PIK3CG: variants seen among roughly 807,000 people sequenced by gnomAD.
The protein encoded by PIK3CG is phosphatidylinositol-4,5-bisphosphate 3-kinase catalytic subunit gamma.
In PIK3CG, 55 loss-of-function variants were observed where a neutral mutation model predicts 102.3. The ratio of observed to expected loss-of-function variants is 0.54; its 90% CI spans 0.43 to 0.67. The LOEUF is 0.67. PIK3CG is among the 30% of genes least tolerant of loss of function. The pLI is 0.00. For synonymous variants in PIK3CG, 552 were observed against 540.0 expected, an observed-to-expected ratio of 1.02 and a Z score of -0.31; for missense variants, 1,258 against 1,391.8, an observed-to-expected ratio of 0.90 and a Z score of 1.53.
At position 106,868,283 on chromosome 7, in the gene PIK3CG, C is replaced by G. The variant is rs2116435920; in HGVS notation, c.722C>G (p.Pro241Arg). The G allele has an allele frequency of 6.2e-7, 1 of 1,614,108 alleles. No individual in the cohort carries two copies. Among genetic ancestry groups the G allele is most frequent in the Non-Finnish European group, 8.5e-7 (1 of 1,180,040 alleles). The stretch of plus-strand genomic sequence containing the variant: ...ATTAAGGTCTCACCCGACGACACCC[C>G]CGGCGCCATCCTGCAGAGCTTCTTC... ...QTIKVSPDDT[P>R]GAILQSFFTK... The change falls in exon 2 of 11, where the codon CCC becomes CGC. Residue 241 changes from proline (P) to arginine (R), a missense_variant. Coordinates refer to ENST00000496166, the MANE Select transcript of PIK3CG (RefSeq NM_001282426.2). This position sits in a 1 kb window ranked among gnomAD's most constrained non-coding sequence, Gnocchi z 6.2.
chr7:106,874,591 G>C lies in PIK3CG; in HGVS notation c.2288-109G>C. The C allele has an allele frequency of 2.5e-6, 2 of 793,546 alleles. No individual in the cohort carries two copies. The highest frequency in any genetic ancestry group is 1.7e-5 in the South Asian group (1 of 57,780). 49.2% of individuals were successfully genotyped at this position (793,546 alleles called of 1,614,324 possible). A position where few individuals can be genotyped will look rare whatever the true frequency, so the allele number is the denominator to read the frequency against. On this transcript the variant is annotated intron_variant, in intron 4 of 10. Transcript: ENST00000496166. This position sits in a 1 kb window ranked among gnomAD's most constrained non-coding sequence, Gnocchi z 4.3. Reference sequence around the variant, plus strand: ...CCCACATTTCTCCTGCTCTACACCAGAACAAATATATAGAATGCTATGAAT... The same window carrying C: ...CCCACATTTCTCCTGCTCTACACCACAACAAATATATAGAATGCTATGAAT...
rs565989261 is a variant in PIK3CG at position 106,903,009 on chromosome 7, C to T, written c.3031-2100C>T. Among the ~76,000 whole-genome samples the T allele has an allele frequency of 5.3e-5, 8 of 152,108 alleles. No individual in the cohort carries two copies. The highest frequency in any genetic ancestry group is 2.0e-4 in the Admixed American group (3 of 15,274). ...TGGAGTAGAATTTTATTTTCTCCCC[C>T]AAATGATGAGCCACTTGTCCTGGTC... On this transcript the variant is annotated intron_variant, in intron 10 of 10. Coordinates refer to ENST00000496166, the MANE Select transcript of PIK3CG (RefSeq NM_001282426.2). The surrounding 1 kb of genome is among the most constrained non-coding windows in gnomAD (Gnocchi z 4.3).
chr7:106,870,172 G>A (rs894137653), intron 2 of PIK3CG, among the ~76,000 whole-genome samples: 3 of 152,188 alleles, frequency 2.0e-5, no homozygotes, highest in African/African-American at 7.2e-5. Flanking sequence ...TATTCTCTGT[G>A]TATGTCTGTT....
chr7:106,901,953 G>A (rs1284968472), intron 10 of PIK3CG, among the ~76,000 whole-genome samples: 1 of 152,142 alleles, frequency 6.6e-6, no homozygotes, highest in Non-Finnish European at 1.5e-5. Context: ...TTGCAGCCAT[G>A]TTCTCTCTCA....
intron 10 of PIK3CG, among the ~76,000 whole-genome samples, chr7:106,904,054 C>G (rs1181425353): frequency 6.6e-6 from 1 of 152,088 alleles, no homozygotes; most frequent in Non-Finnish European, 1.5e-5. Context: ...AGCCACCGCA[C>G]CAGGCCCACT....
rs967711584 is a variant in PIK3CG, at chr7:106,903,470, G to A, written c.3031-1639G>A. 1.3e-4 allele frequency among the ~76,000 whole-genome samples: 19 copies of A among 151,822 alleles called. No individual in the cohort carries two copies. Among genetic ancestry groups the A allele is most frequent in the African/African-American group, 4.3e-4 (18 of 41,504 alleles). On this transcript the variant is annotated intron_variant, in intron 10 of 10. Transcript: ENST00000496166. This position sits in a 1 kb window ranked among gnomAD's most constrained non-coding sequence, Gnocchi z 4.3. ...AGATTAAAGTTTTATAATTTTTTAA[G>A]AGTATAAAAATTATAAATTATAAAA...
rs1192283060 is a variant in PIK3CG at position 106,868,006 on chromosome 7, G to A, written c.445G>A (p.Ala149Thr). The A allele has an allele frequency of 1.2e-6, 2 of 1,612,240 alleles. No individual in the cohort carries two copies. Among genetic ancestry groups the A allele is most frequent in the Non-Finnish European group, 1.7e-6 (2 of 1,179,102 alleles). Reference protein sequence around the residue: ...QRHPPSEESQAFQRQLTALIG... With the variant: ...QRHPPSEESQTFQRQLTALIG... ...GCACCCGCCCTCCGAGGAGTCCCAA[G>A]CCTTCCAGCGGCAGCTCACGGCGCT... is the stretch of plus-strand genomic sequence containing the variant. The change falls in exon 2 of 11, where the codon GCC becomes ACC. Residue 149 changes from alanine (A) to threonine (T), a missense_variant. Ala to Thr is a moderately conservative substitution (Grantham distance 58). This residue lies in a region of PIK3CG where 832 missense variants were observed against 787.5 expected (regional missense o/e 1.06). Coordinates refer to ENST00000496166, the MANE Select transcript of PIK3CG (RefSeq NM_001282426.2). The surrounding 1 kb of genome is among the most constrained non-coding windows in gnomAD (Gnocchi z 6.2).
intron 10 of PIK3CG, among the ~76,000 whole-genome samples, chr7:106,900,261 A>T (rs2116605423): frequency 6.6e-6 from 1 of 152,220 alleles, no homozygotes; most frequent in East Asian, 1.9e-4. Flanking sequence ...TTATATATAT[A>T]TTAAGGATAG....
Position 106,874,106 on chromosome 7 carries a change from T to A in PIK3CG, c.2288-594T>A, listed in dbSNP as rs1246142492. On this transcript the variant is annotated intron_variant, in intron 4 of 10. Transcript: ENST00000496166. This position sits in a 1 kb window ranked among gnomAD's most constrained non-coding sequence, Gnocchi z 4.3. ...TTCCTCCTAAAAATGATGATGGTAATAATAATATTTTATTTGCATTTTAAG... is the reference window on the plus strand; with the variant it reads ...TTCCTCCTAAAAATGATGATGGTAAAAATAATATTTTATTTGCATTTTAAG... Among the ~76,000 whole-genome samples the A allele has an allele frequency of 1.3e-5, 2 of 152,186 alleles. No homozygotes were observed. Among genetic ancestry groups the A allele is most frequent in the Admixed American group, 1.3e-4 (2 of 15,272 alleles).
At chr7:106,901,255 T>C (rs2116607767) in intron 10 of PIK3CG, among the ~76,000 whole-genome samples, 1 of 152,116 alleles carries the variant, frequency 6.6e-6, no homozygotes, top group Admixed American at 6.5e-5. Flanking sequence ...TTTTCATTTC[T>C]TTTTTTTCTT....
At chr7:106,887,440 G>A (rs757515660) in intron 10 of PIK3CG, among the ~76,000 whole-genome samples, 7 of 152,098 alleles carry the variant, frequency 4.6e-5, no homozygotes, top group Non-Finnish European at 7.4e-5. Context: ...CTTGGGAGAC[G>A]ACATGACCCT....
chr7:106,884,100 T>G lies in PIK3CG; in HGVS notation c.2761-55T>G. On this transcript the variant is annotated intron_variant, in intron 8 of 10. Transcript: ENST00000496166. The surrounding 1 kb of genome is among the most constrained non-coding windows in gnomAD (Gnocchi z 4.2). ...CTCTTTTTAGAAGTCATTTGTAGAT[T>G]CATGATGCTTTTTGTAGTTAGAAGA... is the stretch of plus-strand genomic sequence containing the variant. 7.8e-7 allele frequency: 1 copy of G among 1,288,724 alleles called. No individual in the cohort carries two copies. 79.8% of individuals were successfully genotyped at this position (1,288,724 alleles called of 1,614,324 possible).
chr7:106,877,542 G>A lies in PIK3CG; in HGVS notation c.2392-1977G>A, dbSNP rs1790790933. 6.6e-6 allele frequency among the ~76,000 whole-genome samples: 1 copy of A among 152,194 alleles called. No homozygotes were observed. Among genetic ancestry groups the A allele is most frequent in the Non-Finnish European group, 1.5e-5 (1 of 68,036 alleles). ...ATTTGAGTTAATTTTTGTGTACAGT[G>A]TGAGGTGAAGGTCAGAGTTCATTTT... On this transcript the variant is annotated intron_variant, in intron 5 of 10. Coordinates refer to ENST00000496166, the MANE Select transcript of PIK3CG (RefSeq NM_001282426.2). This position sits in a 1 kb window ranked among gnomAD's most constrained non-coding sequence, Gnocchi z 4.5.
In PIK3CG at chr7:106,906,372, A is replaced by T; in HGVS notation, c.*985A>T. On this transcript the variant is annotated 3_prime_UTR_variant, in exon 11 of 11. Transcript: ENST00000496166. ...TGACTTTTTTTTCAAGTATCTTATTAAAGGAGGCATTCTAGAAAATATGAA... is the reference window on the plus strand; with the variant it reads ...TGACTTTTTTTTCAAGTATCTTATTTAAGGAGGCATTCTAGAAAATATGAA... The T allele has an allele frequency of 4.3e-6, 1 of 229,976 alleles. No homozygotes were observed. Among genetic ancestry groups the T allele is most frequent in the Non-Finnish European group, 8.6e-6 (1 of 116,232 alleles). The allele number at this position is 229,976 out of a possible 1,614,324, so 14.2% of individuals were successfully genotyped here.
At chr7:106,871,074 TAAATG>T (rs750839770) in intron 2 of PIK3CG, among the ~76,000 whole-genome samples, 10 of 152,232 alleles carry the variant, frequency 6.6e-5, no homozygotes, top group Non-Finnish European at 1.0e-4. Context: ...AGAAATGTGT[TAAATG>T]AAAGAGGTCA....
Position 106,893,293 on chromosome 7 carries a change from T to G in PIK3CG, c.3030+7001T>G, listed in dbSNP as rs1268024726. Among the ~76,000 whole-genome samples the G allele has an allele frequency of 6.6e-6, 1 of 152,140 alleles. No individual in the cohort carries two copies. Among genetic ancestry groups the G allele is most frequent in the Non-Finnish European group, 1.5e-5 (1 of 68,028 alleles). On this transcript the variant is annotated intron_variant, in intron 10 of 10. Coordinates refer to ENST00000496166, the MANE Select transcript of PIK3CG (RefSeq NM_001282426.2). The surrounding 1 kb of genome is among the most constrained non-coding windows in gnomAD (Gnocchi z 4.4). ...TCTCCATGTTATGCACTGGAAGATATCCTCAAAGAAGGGTCTGATTTCAGC... is the reference window on the plus strand; with the variant it reads ...TCTCCATGTTATGCACTGGAAGATAGCCTCAAAGAAGGGTCTGATTTCAGC...
chr7:106,885,039 C>G (rs561237089), intron 9 of PIK3CG, among the ~76,000 whole-genome samples: 1 of 152,288 alleles, frequency 6.6e-6, no homozygotes, highest in Admixed American at 6.5e-5. Flanking sequence ...GGCAGTAATT[C>G]AGGCAATGGG....
intron 10 of PIK3CG, among the ~76,000 whole-genome samples, chr7:106,887,468 G>A (rs540862051): frequency 6.6e-6 from 1 of 152,260 alleles, no homozygotes; most frequent in African/African-American, 2.4e-5. Flanking sequence ...CAGTAGAACA[G>A]GAAGTAGGAT....
intron 10 of PIK3CG, among the ~76,000 whole-genome samples, chr7:106,888,020 A>T (rs1194356931): frequency 7.7e-6 from 1 of 130,140 alleles, no homozygotes; most frequent in African/African-American, 2.9e-5. Flanking sequence ...AGCTCACTGC[A>T]GCCTCCACCT....
Sources: gnomAD v4.1 joint callset for allele counts (sites outside exome capture counted in the v4.1 genomes callset) on GRCh38, gnomAD v4.1.1 for gene constraint, gnomAD v4.1.1 regional missense constraint, Gnocchi (gnomAD v3.1) non-coding constraint, MANE v1.5 for transcripts, NCBI Gene and HGNC (gene_info 2026-07-23, HGNC 2026-07-21) for gene names.